FGF12: variants seen among roughly 807,000 people sequenced by gnomAD.
FGF12 encodes the protein fibroblast growth factor 12.
Under a neutral mutation model 23.6 loss-of-function variants are expected in FGF12, and 14 were observed. The observed-to-expected ratio is 0.59, with a 90% CI of 0.39 to 0.93. FGF12 has a LOEUF of 0.93. FGF12 is among the 40% of genes least tolerant of loss of function. The probability of loss-of-function intolerance (pLI) is 0.00; values close to 1 mark genes in which losing one functional copy is unlikely to be tolerated. For missense variants in FGF12, 175 were observed against 217.8 expected (o/e 0.80, Z 1.24); for synonymous variants, 62 against 77.3 (o/e 0.80, Z 1.04).
At chr3:192,332,877 T>C (rs1717196709) in intron 4 of FGF12, among the ~76,000 whole-genome samples, 1 of 152,096 alleles carries the variant, frequency 6.6e-6, no homozygotes, top group Admixed American at 6.6e-5. Context: ...CCTTAATGCA[T>C]ACCAGAAACA....
intron 4 of FGF12, among the ~76,000 whole-genome samples, chr3:192,195,279 G>A (rs986465018): frequency 5.9e-5 from 9 of 152,166 alleles, no homozygotes; most frequent in Admixed American, 5.2e-4. Context: ...AAAAGTCAGA[G>A]TCCATGATTT....
chr3:192,535,175 A>T (rs1725195351), intron 2 of FGF12, among the ~76,000 whole-genome samples: 1 of 152,188 alleles, frequency 6.6e-6, no homozygotes, highest in African/African-American at 2.4e-5. Flanking sequence ...TAGATCACAA[A>T]ATCAACTATA....
intron 2 of FGF12, among the ~76,000 whole-genome samples, chr3:192,371,347 G>T (rs1445553699): frequency 6.6e-6 from 1 of 152,186 alleles, no homozygotes; most frequent in African/African-American, 2.4e-5. Context: ...TTCCAGTTCT[G>T]TGCCTCCCAG....
chr3:192,381,581 A>G (rs1450181210), intron 2 of FGF12, among the ~76,000 whole-genome samples: 1 of 152,228 alleles, frequency 6.6e-6, no homozygotes, highest in East Asian at 1.9e-4. Context: ...CCTGGCTGCT[A>G]TGGAGGATAA....
At chr3:192,562,575 G>A (rs1056632249) in intron 2 of FGF12, among the ~76,000 whole-genome samples, 1 of 151,952 alleles carries the variant, frequency 6.6e-6, no homozygotes, top group East Asian at 1.9e-4. Flanking sequence ...AATTATATAG[G>A]CCATCTTGTC....
In FGF12 at chr3:192,463,574, T is replaced by A. The variant is rs544548749; in HGVS notation, c.14-103036A>T. ...CATTCCCAAAAGTTAACATCACATATCCTATGAGCTGCCAGTTGCACTTAA... is the reference window on the plus strand; with the variant it reads ...CATTCCCAAAAGTTAACATCACATAACCTATGAGCTGCCAGTTGCACTTAA... On this transcript the variant is annotated intron_variant, in intron 2 of 5. Transcript: ENST00000445105. Among the ~76,000 whole-genome samples the A allele has an allele frequency of 1.4e-3, 217 of 152,286 alleles. 1 individual carries two copies. The highest frequency in any genetic ancestry group is 4.9e-3 in the African/African-American group (205 of 41,570).
chr3:192,179,850 TG>T (rs142379811), intron 4 of FGF12, among the ~76,000 whole-genome samples: 4,488 of 152,162 alleles, frequency 0.029, 236 homozygotes, highest in African/African-American at 0.1. Flanking sequence ...CCGGCCAGGT[TG>T]TGATTATTAG....
At chr3:192,190,742 T>C (rs1198049356) in intron 4 of FGF12, among the ~76,000 whole-genome samples, 4 of 152,164 alleles carry the variant, frequency 2.6e-5, no homozygotes, top group Admixed American at 2.0e-4. Flanking sequence ...CCCAAAGTGC[T>C]GGGATTACAG....
At chr3:192,331,140 G>A (rs1450147221) in intron 4 of FGF12, among the ~76,000 whole-genome samples, 2 of 151,914 alleles carry the variant, frequency 1.3e-5, no homozygotes, top group Non-Finnish European at 2.9e-5. Flanking sequence ...TTAGAGAAAT[G>A]CAAATCAAAA....
intron 2 of FGF12, among the ~76,000 whole-genome samples, chr3:192,380,643 A>T (rs1165846040): frequency 6.6e-6 from 1 of 152,216 alleles, no homozygotes. Flanking sequence ...GTAAGGCAAA[A>T]TCAGAAAAAC....
intron 2 of FGF12, among the ~76,000 whole-genome samples, chr3:192,632,536 C>G (rs892935770): frequency 3.3e-5 from 5 of 152,138 alleles, no homozygotes; most frequent in Admixed American, 3.3e-4. Flanking sequence ...GTGCTTAATG[C>G]TTTGGTTGAT....
chr3:192,716,949 C>T (rs994944330), intron 2 of FGF12, among the ~76,000 whole-genome samples: 1 of 152,116 alleles, frequency 6.6e-6, no homozygotes, highest in African/African-American at 2.4e-5. Context: ...AAGCTGCAAC[C>T]CAATGCTTAA....
At position 192,607,862 on chromosome 3, in the gene FGF12, A is replaced by G. The variant is rs553006754; in HGVS notation, c.13+119319T>C. Among the ~76,000 whole-genome samples the G allele has an allele frequency of 1.3e-3, 190 of 151,320 alleles. 2 individuals are homozygous for G. Among genetic ancestry groups the G allele is most frequent in the South Asian group, 5.4e-3 (26 of 4,802 alleles). On this transcript the variant is annotated intron_variant, in intron 2 of 5. Transcript: ENST00000445105. ...ACTGAAAATTAAAAAAAAAAAAAAA[A>G]AAAAAGAAGAAGAAGAATAGTTAAC...
At chr3:192,178,592 T>C (rs1231403756) in intron 4 of FGF12, among the ~76,000 whole-genome samples, 4 of 152,014 alleles carry the variant, frequency 2.6e-5, no homozygotes, top group African/African-American at 9.7e-5. Flanking sequence ...TCCACCTCCC[T>C]GGTTCAAGCA....
intron 2 of FGF12, among the ~76,000 whole-genome samples, chr3:192,511,157 G>C (rs1161577740): frequency 6.6e-6 from 1 of 152,064 alleles, no homozygotes; most frequent in Non-Finnish European, 1.5e-5. Context: ...ACTATACACA[G>C]AAGGAGGTTG....
intron 2 of FGF12, among the ~76,000 whole-genome samples, chr3:192,571,688 G>C (rs554331183): frequency 6.6e-6 from 1 of 152,304 alleles, no homozygotes; most frequent in East Asian, 1.9e-4. Context: ...CAGCAATTTA[G>C]CTTTTGCAAG....
intron 2 of FGF12, among the ~76,000 whole-genome samples, chr3:192,562,017 A>G (rs1235471592): frequency 1.3e-5 from 2 of 152,178 alleles, no homozygotes; most frequent in African/African-American, 4.8e-5. Context: ...CTACCAAAAT[A>G]AAAACAAATA....
At chr3:192,513,460 C>A (rs560317839) in intron 2 of FGF12, among the ~76,000 whole-genome samples, 14 of 152,066 alleles carry the variant, frequency 9.2e-5, no homozygotes, top group African/African-American at 3.4e-4. Context: ...CTAATTAGGT[C>A]TTTTTAAGTA....
At chr3:192,441,550 A>G (rs1453707675) in intron 2 of FGF12, among the ~76,000 whole-genome samples, 1 of 152,108 alleles carries the variant, frequency 6.6e-6, no homozygotes, top group Non-Finnish European at 1.5e-5. Flanking sequence ...GAACCTCTTT[A>G]CTCAATTATT....
Sources: allele counts gnomAD v4.1 joint callset (sites outside exome capture counted in the v4.1 genomes callset), GRCh38; gene constraint gnomAD v4.1.1; transcripts MANE v1.5; gene names NCBI Gene and HGNC (gene_info 2026-07-23, HGNC 2026-07-21).